Variants in TCF4 observed in about 807,000 individuals in gnomAD.
TCF4 encodes transcription factor 4.
Under a neutral mutation model 82.1 loss-of-function variants are expected in TCF4, and 3 were observed. That is an observed-to-expected ratio of 0.04 (90% CI 0.02 to 0.09). The LOEUF (loss-of-function observed/expected upper bound fraction) is 0.09, where lower values mean the gene tolerates loss of function less well. Among genes scored for constraint, TCF4 ranks in the 10% least tolerant of loss-of-function variants. The pLI, the probability that TCF4 is intolerant of heterozygous loss-of-function variation, is 1.00. For missense variants in TCF4, 518 were observed against 852.7 expected (o/e 0.61, Z 4.89); for synonymous variants, 276 against 309.6 (o/e 0.89, Z 1.14).
intron 5 of TCF4, among the ~76,000 whole-genome samples, chr18:55,454,390 T>C (rs899420000): frequency 4.6e-5 from 7 of 152,132 alleles, no homozygotes; most frequent in South Asian, 2.1e-4. Flanking sequence ...CTTTAATGTA[T>C]GGGCTTTTCA....
At chr18:55,431,916 T>C (rs2147165387) in intron 5 of TCF4, among the ~76,000 whole-genome samples, 1 of 152,292 alleles carries the variant, frequency 6.6e-6, no homozygotes, top group Non-Finnish European at 1.5e-5. Context: ...CATAGGGAGC[T>C]ACCAAAAGGC....
intron 16 of TCF4, among the ~76,000 whole-genome samples, chr18:55,233,008 A>G (rs891141124): frequency 2.0e-5 from 3 of 152,222 alleles, no homozygotes; most frequent in Non-Finnish European, 2.9e-5. Context: ...CAGCTATTAT[A>G]TTGAGTTTCT....
chr18:55,594,165 C>T (rs1194875576), intron 2 of TCF4, among the ~76,000 whole-genome samples: 3 of 152,166 alleles, frequency 2.0e-5, no homozygotes, highest in Non-Finnish European at 2.9e-5. Flanking sequence ...TAATTCTTTC[C>T]GTCACTGTTC....
chr18:55,518,912 C>G (rs1027828194), intron 3 of TCF4: 11 of 152,060 alleles, frequency 7.2e-5, no homozygotes, highest in African/African-American at 2.7e-4. Flanking sequence ...AGATTTAGTT[C>G]CCTATATTCT....
rs138690047 is a variant in TCF4, at chr18:55,634,689, C to T, written c.195+1014G>A. Among the ~76,000 whole-genome samples the T allele has an allele frequency of 2.0e-3, 300 of 152,178 alleles. 2 individuals are homozygous for T. The highest frequency in any genetic ancestry group is 6.9e-3 in the African/African-American group (287 of 41,508). On this transcript the variant is annotated intron_variant, in intron 1 of 20. Coordinates refer to the TCF4 transcript ENST00000398339. ...GCAATTTTATCCTATATTAAACTGA[C>T]AATGGTGTATTTATGACCTTGTGGT...
At chr18:55,289,638 A>T (rs2064546076) in intron 8 of TCF4, among the ~76,000 whole-genome samples, 1 of 152,158 alleles carries the variant, frequency 6.6e-6, no homozygotes, top group African/African-American at 2.4e-5. Flanking sequence ...TGGAACATCA[A>T]AATAGGTTTG....
intron 8 of TCF4, among the ~76,000 whole-genome samples, chr18:55,314,621 T>C (rs1191308912): frequency 6.6e-6 from 1 of 151,324 alleles, no homozygotes; most frequent in Non-Finnish European, 1.5e-5. Flanking sequence ...AGGGCACTTG[T>C]ATCTTGCTTC....
intron 3 of TCF4, among the ~76,000 whole-genome samples, chr18:55,557,534 C>A (rs1444682734): frequency 6.6e-6 from 1 of 151,530 alleles, no homozygotes; most frequent in Non-Finnish European, 1.5e-5. Context: ...ATCCAAAAGA[C>A]AATTAAAATG....
intron 5 of TCF4, among the ~76,000 whole-genome samples, chr18:55,417,389 T>G (rs977615458): frequency 1.3e-5 from 2 of 152,222 alleles, no homozygotes; most frequent in Non-Finnish European, 2.9e-5. Flanking sequence ...GATTAGGATA[T>G]TTAAATGAAA....
At chr18:55,429,108 A>T (rs1054287679) in intron 5 of TCF4, among the ~76,000 whole-genome samples, 1 of 152,242 alleles carries the variant, frequency 6.6e-6, no homozygotes, top group African/African-American at 2.4e-5. Flanking sequence ...ATCCATAGCA[A>T]ATATAGGAAA....
intron 3 of TCF4, among the ~76,000 whole-genome samples, chr18:55,484,837 T>C (rs1432956802): frequency 6.6e-6 from 1 of 152,256 alleles, no homozygotes; most frequent in East Asian, 1.9e-4. Context: ...TATTTTTCTC[T>C]TCTTCCTTCT....
intron 2 of TCF4, among the ~76,000 whole-genome samples, chr18:55,601,090 T>C (rs1192148463): frequency 1.3e-5 from 2 of 152,130 alleles, no homozygotes; most frequent in East Asian, 3.8e-4. Flanking sequence ...GACATGACCA[T>C]GTTAATACAG....
intron 5 of TCF4, among the ~76,000 whole-genome samples, chr18:55,417,562 GGACT>G (rs1288799093): frequency 6.6e-6 from 1 of 152,116 alleles, no homozygotes; most frequent in Non-Finnish European, 1.5e-5. Context: ...TGAATGGACT[GGACT>G]GACTCTGTCA....
chr18:55,354,280 T>C (rs1217520644), intron 6 of TCF4, among the ~76,000 whole-genome samples: 2 of 152,212 alleles, frequency 1.3e-5, no homozygotes, highest in African/African-American at 2.4e-5. Flanking sequence ...AACTTGGCCA[T>C]TCAAATCCCC....
At chr18:55,388,008 C>T (rs565081296) in intron 6 of TCF4, among the ~76,000 whole-genome samples, 18 of 152,288 alleles carry the variant, frequency 1.2e-4, no homozygotes, top group Admixed American at 6.5e-4. Context: ...TTTAGTTTTC[C>T]ACTTGCTACA....
In TCF4 at chr18:55,225,016, T is replaced by C. The variant is rs528800180; in HGVS notation, c.*3019A>G. The C allele has an allele frequency of 3.3e-5, 5 of 152,318 alleles. No individual in the cohort carries two copies. Among genetic ancestry groups the C allele is most frequent in the Admixed American group, 2.6e-4 (4 of 15,290 alleles). 9.4% of individuals were successfully genotyped at this position (152,318 alleles called of 1,614,324 possible). On this transcript the variant is annotated 3_prime_UTR_variant, in exon 20 of 20. Transcript: ENST00000354452. ...AATCCAGTGCAGGATACCAATATCT[T>C]ACCTGGGTTTGATAATTACAAAACA...
chr18:55,443,779 A>C (rs2095480588), intron 5 of TCF4, among the ~76,000 whole-genome samples: 1 of 152,244 alleles, frequency 6.6e-6, no homozygotes, highest in Non-Finnish European at 1.5e-5. Context: ...TACTGAGAGA[A>C]AGGATCCACA....
intron 2 of TCF4, among the ~76,000 whole-genome samples, chr18:55,625,240 C>CTT (rs1212898000): frequency 4.2e-5 from 6 of 141,906 alleles, no homozygotes; most frequent in African/African-American, 5.1e-5. Context: ...CAAGCTACAA[C>CTT]TTTTTTTTTT....
Position 55,480,306 on chromosome 18 carries a change from C to T in TCF4, c.146-16169G>A, listed in dbSNP as rs112056752. 7.7e-4 allele frequency among the ~76,000 whole-genome samples: 30 copies of T among 39,188 alleles called. 1 individual carries two copies. The highest frequency in any genetic ancestry group is 2.1e-3 in the Admixed American group (7 of 3,356). The allele number at this position is 39,188 out of a possible 152,430, so 25.7% of individuals were successfully genotyped here. ...AAAAAAAAAAAAAAAAGCGGGGGGG[C>T]GGGGGGAGGATATTATGTGTATTAC... On this transcript the variant is annotated intron_variant, in intron 3 of 19. Transcript: ENST00000354452.
Sources: allele counts gnomAD v4.1 joint callset (sites outside exome capture counted in the v4.1 genomes callset), GRCh38; gene constraint gnomAD v4.1.1; transcripts MANE v1.5; gene names NCBI Gene and HGNC (gene_info 2026-07-23, HGNC 2026-07-21).